The following F13A1 variants were observed in gnomAD, a reference collection of about 807,000 sequenced individuals.
F13A1 encodes the protein coagulation factor XIII A chain.
Under a neutral mutation model 80.1 loss-of-function variants are expected in F13A1, and 47 were observed. The ratio of observed to expected loss-of-function variants is 0.59; its 90% CI spans 0.46 to 0.75. The LOEUF (loss-of-function observed/expected upper bound fraction) is 0.75. Ranked by LOEUF, F13A1 falls within the 30% of genes least tolerant of loss-of-function variation. The pLI is 0.00. For missense variants in F13A1, 817 were observed against 930.4 expected (o/e 0.88, Z 1.59); for synonymous variants, 349 against 344.9 (o/e 1.01, Z -0.13).
intron 14 of F13A1, among the ~76,000 whole-genome samples, chr6:6,147,652 C>G (rs887551037): frequency 6.6e-6 from 1 of 152,182 alleles, no homozygotes; most frequent in Admixed American, 6.5e-5. Context: ...AGGACCCGAC[C>G]TGAGACCATG....
rs3024437 is a variant in F13A1 at position 6,182,265 on chromosome 6, T to C, written c.1306-124A>G. ...TGACATGCCCCTTTCTTCAACAACA[T>C]TGGATTCGTATCATAGGGCCAAACA... On this transcript the variant is annotated intron_variant, in intron 10 of 14. Coordinates refer to ENST00000264870, the MANE Select transcript of F13A1 (RefSeq NM_000129.4). The C allele has an allele frequency of 2.3e-3, 2,408 of 1,028,296 alleles. 29 individuals carry two copies. In the African/African-American group the frequency reaches 0.033, roughly 14 times the overall value. 63.7% of individuals were successfully genotyped at this position (1,028,296 alleles called of 1,614,324 possible).
intron 3 of F13A1, among the ~76,000 whole-genome samples, chr6:6,267,157 G>T (rs1481949336): frequency 6.6e-6 from 1 of 152,096 alleles, no homozygotes; most frequent in Non-Finnish European, 1.5e-5. Context: ...TAAGGAGGTG[G>T]TTACATAAGT....
chr6:6,196,587 A>G (rs1337301033), intron 9 of F13A1, among the ~76,000 whole-genome samples: 2 of 152,188 alleles, frequency 1.3e-5, no homozygotes, highest in African/African-American at 4.8e-5. Flanking sequence ...GTGTGTGCCC[A>G]TCGATATATC....
chr6:6,196,813 A>C (rs2151082511), intron 9 of F13A1, among the ~76,000 whole-genome samples: 1 of 152,304 alleles, frequency 6.6e-6, no homozygotes, highest in East Asian at 1.9e-4. Context: ...GTTCTGGAAA[A>C]ACAATTTAAA....
intron 4 of F13A1, among the ~76,000 whole-genome samples, chr6:6,262,441 G>A (rs933668351): frequency 6.6e-6 from 1 of 152,246 alleles, no homozygotes; most frequent in Non-Finnish European, 1.5e-5. Context: ...ACAAGTGTGA[G>A]TAGGACTCCT....
chr6:6,272,086 G>A (rs917651411), intron 3 of F13A1, among the ~76,000 whole-genome samples: 1 of 152,178 alleles, frequency 6.6e-6, no homozygotes, highest in Non-Finnish European at 1.5e-5. Flanking sequence ...TGACCCTGGG[G>A]AAAATGTCCT....
At chr6:6,169,853 G>A (rs145515987) in intron 12 of F13A1, among the ~76,000 whole-genome samples, 3 of 152,332 alleles carry the variant, frequency 2.0e-5, no homozygotes, top group Non-Finnish European at 4.4e-5. Flanking sequence ...TTGGGCAAGC[G>A]CTAAAGAGCT....
chr6:6,159,082 T>C (rs987412989), intron 13 of F13A1, among the ~76,000 whole-genome samples: 10 of 152,022 alleles, frequency 6.6e-5, no homozygotes, highest in Non-Finnish European at 1.5e-4. Flanking sequence ...TTTGTACTTT[T>C]AGTAGAGATG....
chr6:6,159,692 C>T (rs148315723), intron 13 of F13A1, among the ~76,000 whole-genome samples: 120 of 152,248 alleles, frequency 7.9e-4, no homozygotes, highest in African/African-American at 2.7e-3. Flanking sequence ...GCCTCCTCTC[C>T]GGGGTCAACA....
intron 4 of F13A1, among the ~76,000 whole-genome samples, chr6:6,260,572 C>T (rs1033824974): frequency 6.6e-6 from 1 of 152,168 alleles, no homozygotes; most frequent in African/African-American, 2.4e-5. Flanking sequence ...TGCTGGGCTA[C>T]AGTGTATGTG....
intron 3 of F13A1, among the ~76,000 whole-genome samples, chr6:6,280,039 G>A (rs997695673): frequency 2.0e-5 from 3 of 152,150 alleles, no homozygotes; most frequent in Admixed American, 6.6e-5. Flanking sequence ...TGCATTGCCA[G>A]AGATTAAAGC....
At chr6:6,307,806 A>T (rs1343796069) in intron 2 of F13A1, among the ~76,000 whole-genome samples, 1 of 152,152 alleles carries the variant, frequency 6.6e-6, no homozygotes, top group Admixed American at 6.5e-5. Context: ...CAAACAGTCC[A>T]TTTTTAAACA....
At chr6:6,305,600 A>T in intron 2 of F13A1, 61 bp from the exon 3 acceptor site, 2 of 1,557,166 alleles carry the variant, frequency 1.3e-6, no homozygotes, top group Non-Finnish European at 8.8e-7. Context: ...TTAAACATAA[A>T]CTCAAAAACA....
chr6:6,212,244 A>G (rs1199665949), intron 8 of F13A1, among the ~76,000 whole-genome samples: 1 of 152,242 alleles, frequency 6.6e-6, no homozygotes, highest in Non-Finnish European at 1.5e-5. Flanking sequence ...ACAAACAAAA[A>G]GACAGCAGTA....
rs1211356402 is a variant in F13A1, at chr6:6,299,146, G to C, written c.319+6205C>G. Among the ~76,000 whole-genome samples the C allele has an allele frequency of 8.0e-3, 1,133 of 141,542 alleles. 24 individuals are homozygous for C. The highest frequency in any genetic ancestry group is 0.017 in the Middle Eastern group (5 of 292). 92.9% of individuals were successfully genotyped at this position (141,542 alleles called of 152,430 possible). A position where few individuals can be genotyped will look rare whatever the true frequency, so the allele number is the denominator to read the frequency against. On this transcript the variant is annotated intron_variant, in intron 3 of 14. Coordinates refer to ENST00000264870, the MANE Select transcript of F13A1 (RefSeq NM_000129.4). ...GTTAGTCTGATGGGCTTCCCTTTGA[G>C]GGTAACCCAACCTTTCTCTCTGGCT...
chr6:6,195,199 G>A (rs1358479916), intron 10 of F13A1, among the ~76,000 whole-genome samples: 3 of 152,174 alleles, frequency 2.0e-5, no homozygotes, highest in African/African-American at 7.2e-5. Context: ...TTCTGAAATG[G>A]CAGAGCCTTT....
chr6:6,198,088 GTCT>G, intron 8 of F13A1, among the ~76,000 whole-genome samples: 1 of 152,144 alleles, frequency 6.6e-6, no homozygotes, highest in Admixed American at 6.5e-5. Context: ...TGTGTTTGTG[GTCT>G]TAGACTATTA....
rs139753440 is a variant in F13A1 at position 6,266,599 on chromosome 6, G to T, written c.530C>A (p.Pro177Gln). The change falls in exon 4 of 15, where the codon CCA becomes CAA. Residue 177 changes from proline to glutamine, a missense_variant. Physicochemically the swap from Pro to Gln is moderately conservative, Grantham distance 76 (BLOSUM62 -1). Transcript: ENST00000264870. The part of the protein sequence containing the change: ...PYGVLRTSRN[P>Q]ETDTYILFNP... The stretch of plus-strand genomic sequence containing the variant: ...GAAGAGAATGTACGTGTCTGTTTCT[G>T]GGTTTCGACTGGTTCGAAGTACGCC... The T allele has an allele frequency of 1.2e-5, 19 of 1,614,096 alleles. No individual in the cohort carries two copies. The African/African-American group carries it at 2.4e-4, about 20-fold the overall frequency.
intron 6 of F13A1, among the ~76,000 whole-genome samples, chr6:6,231,289 A>G (rs1757349023): frequency 6.6e-6 from 1 of 152,206 alleles, no homozygotes; most frequent in South Asian, 2.1e-4. Context: ...TGCTCTGGAA[A>G]GTCTCAGCAA....
Sources: allele counts gnomAD v4.1 joint callset (sites outside exome capture counted in the v4.1 genomes callset), GRCh38; gene constraint gnomAD v4.1.1; transcripts MANE v1.5; gene names NCBI Gene and HGNC (gene_info 2026-07-23, HGNC 2026-07-21).